The following ATXN1 variants were observed in gnomAD, a reference collection of about 807,000 sequenced individuals.
ATXN1 encodes ataxin 1.
In ATXN1, 8 loss-of-function variants were observed where a neutral mutation model predicts 56.4. The ratio of observed to expected loss-of-function variants is 0.14; its 90% CI spans 0.08 to 0.26. The LOEUF is 0.26. ATXN1 is among the 10% of genes least tolerant of loss of function. ATXN1 has a pLI of 1.00. For synonymous variants in ATXN1, 514 were observed against 494.6 expected (o/e 1.04, Z -0.52); for missense variants, 987 against 1,106.5 (o/e 0.89, Z 1.53).
chr6:16,502,177 T>G (rs1760898090), intron 5 of ATXN1, among the ~76,000 whole-genome samples: 1 of 152,232 alleles, frequency 6.6e-6, no homozygotes, highest in Admixed American at 6.5e-5. Flanking sequence ...GACTTTACTC[T>G]TCAAAATCAT....
In ATXN1 at chr6:16,500,738, TAA is replaced by T. The variant is rs1167731131; in HGVS notation, c.-298-14631_-298-14630del. On this transcript the variant is annotated intron_variant, in intron 5 of 7. Transcript: ENST00000436367. ...AGGTCATGAAATATCTTCATTATGA[TAA>T]AAAAAAAAAAAAAAAAAAAACATTG... 4.8e-3 allele frequency among the ~76,000 whole-genome samples: 402 copies of T among 84,588 alleles called. 3 individuals are homozygous for T. The highest frequency in any genetic ancestry group is 0.015 in the African/African-American group (349 of 23,934). 55.5% of individuals were successfully genotyped at this position (84,588 alleles called of 152,430 possible).
intron 2 of ATXN1, among the ~76,000 whole-genome samples, chr6:16,665,909 T>C (rs1265316057): frequency 2.0e-5 from 3 of 152,258 alleles, no homozygotes; most frequent in South Asian, 2.1e-4. Flanking sequence ...ATGTGATTTT[T>C]TGATACAAGC....
chr6:16,348,428 T>TG (rs1351246863), intron 6 of ATXN1, among the ~76,000 whole-genome samples: 8 of 152,102 alleles, frequency 5.3e-5, no homozygotes, highest in Admixed American at 5.2e-4. Flanking sequence ...CGAGGCACGG[T>TG]GGCTCACACA....
intron 6 of ATXN1, among the ~76,000 whole-genome samples, chr6:16,466,892 T>C (rs1292502044): frequency 6.6e-6 from 1 of 152,266 alleles, no homozygotes; most frequent in Non-Finnish European, 1.5e-5. Context: ...AAAGGATTAA[T>C]GTTCTTTCCA....
chr6:16,493,123 G>A (rs770855225), intron 5 of ATXN1, among the ~76,000 whole-genome samples: 2 of 152,122 alleles, frequency 1.3e-5, no homozygotes, highest in Non-Finnish European at 2.9e-5. Flanking sequence ...CTGTTGGATC[G>A]AACTTCCTAA....
chr6:16,353,536 T>C (rs1373960996), intron 6 of ATXN1, among the ~76,000 whole-genome samples: 3 of 152,132 alleles, frequency 2.0e-5, no homozygotes, highest in African/African-American at 7.2e-5. Context: ...TAGCCAGGCA[T>C]GGTGGCTTGT....
intron 2 of ATXN1, among the ~76,000 whole-genome samples, chr6:16,706,582 G>A (rs188428327): frequency 9.2e-5 from 14 of 152,112 alleles, no homozygotes; most frequent in Middle Eastern, 6.8e-3. Flanking sequence ...AAAATGGTCC[G>A]TGCGTGGTAG....
In ATXN1 at chr6:16,599,350, T is replaced by C. The variant is rs550947483; in HGVS notation, c.-488-13443A>G. ...TGTGCACTGAGAAGACTTTTGAAATTTGAAAGGCCGCTACTAAGAAGATAA... is the reference window on the plus strand; with the variant it reads ...TGTGCACTGAGAAGACTTTTGAAATCTGAAAGGCCGCTACTAAGAAGATAA... On this transcript the variant is annotated intron_variant, in intron 3 of 7. Transcript: ENST00000436367. Among the ~76,000 whole-genome samples, 3 of 152,056 alleles carry C rather than the reference T, an allele frequency of 2.0e-5. No homozygotes were observed. In the South Asian group the frequency reaches 6.2e-4, roughly 32 times the overall value.
At chr6:16,660,982 G>A (rs1191702618) in intron 2 of ATXN1, among the ~76,000 whole-genome samples, 2 of 151,732 alleles carry the variant, frequency 1.3e-5, no homozygotes, top group South Asian at 2.1e-4. Context: ...AGGATCATAG[G>A]TGCCCACCAC....
At chr6:16,610,519 T>C (rs1414061663) in intron 3 of ATXN1, among the ~76,000 whole-genome samples, 2 of 151,980 alleles carry the variant, frequency 1.3e-5, no homozygotes, top group Admixed American at 1.3e-4. Context: ...ACAGCTCTAA[T>C]GGCAAAGGGT....
intron 4 of ATXN1, among the ~76,000 whole-genome samples, chr6:16,559,428 C>A (rs1444069601): frequency 1.1e-4 from 17 of 149,086 alleles, no homozygotes; most frequent in African/African-American, 3.7e-4. Flanking sequence ...CAAAATCATA[C>A]AATCGAATAC....
At chr6:16,409,320 T>C (rs1040099823) in intron 6 of ATXN1, among the ~76,000 whole-genome samples, 3 of 151,742 alleles carry the variant, frequency 2.0e-5, no homozygotes, top group African/African-American at 7.3e-5. Context: ...ACAGTAACTG[T>C]AGTTGTTATG....
chr6:16,311,036 A>C (rs1760377142), intron 7 of ATXN1, among the ~76,000 whole-genome samples: 1 of 152,168 alleles, frequency 6.6e-6, no homozygotes, highest in South Asian at 2.1e-4. Context: ...TGTAAGCATG[A>C]ACCCCTTCTC....
intron 4 of ATXN1, among the ~76,000 whole-genome samples, chr6:16,543,423 T>C (rs1004364375): frequency 3.3e-5 from 5 of 152,158 alleles, no homozygotes; most frequent in African/African-American, 1.2e-4. Context: ...TAGTAAAAAT[T>C]TTAAATGAAC....
At chr6:16,398,540 G>A (rs944697932) in intron 6 of ATXN1, among the ~76,000 whole-genome samples, 3 of 151,978 alleles carry the variant, frequency 2.0e-5, no homozygotes, top group Admixed American at 6.6e-5. Flanking sequence ...ACATATACAC[G>A]TATATATATG....
chr6:16,708,032 A>G (rs372751943), intron 2 of ATXN1, among the ~76,000 whole-genome samples: 1 of 152,214 alleles, frequency 6.6e-6, no homozygotes, highest in African/African-American at 2.4e-5. Context: ...ACAAGTACAG[A>G]GCTATGCACA....
chr6:16,629,009 T>C (rs1465963612), intron 3 of ATXN1, among the ~76,000 whole-genome samples: 1 of 152,216 alleles, frequency 6.6e-6, no homozygotes, highest in Non-Finnish European at 1.5e-5. Context: ...CTGGGTCGAA[T>C]GGTAGTTCTG....
chr6:16,353,069 G>C (rs555723716), intron 6 of ATXN1, among the ~76,000 whole-genome samples: 1 of 152,288 alleles, frequency 6.6e-6, no homozygotes, highest in South Asian at 2.1e-4. Flanking sequence ...GGGGTAAGGC[G>C]TGAGATTTTA....
chr6:16,475,410 G>A (rs1218058947), intron 6 of ATXN1, among the ~76,000 whole-genome samples: 3 of 152,212 alleles, frequency 2.0e-5, no homozygotes, highest in Non-Finnish European at 2.9e-5. Context: ...GATAGATTTT[G>A]TTGTGTGAAA....
Sources: allele counts gnomAD v4.1 joint callset (sites outside exome capture counted in the v4.1 genomes callset), GRCh38; gene constraint gnomAD v4.1.1; transcripts MANE v1.5; gene names NCBI Gene and HGNC (gene_info 2026-07-23, HGNC 2026-07-21).